The following VRK2 variants were observed in gnomAD, a reference collection of about 807,000 sequenced individuals.
VRK2 encodes the protein VRK serine/threonine kinase 2, also known as serine/threonine-protein kinase VRK2.
A neutral mutation model predicts 57.6 loss-of-function variants in VRK2; 60 were observed. The observed-to-expected ratio is 1.04, with a 90% CI of 0.85 to 1.29. VRK2 has a LOEUF of 1.29. Ranked by LOEUF, VRK2 falls within the 50% of genes most tolerant of loss-of-function variation. The pLI is 0.00. For synonymous variants in VRK2, 231 were observed against 199.2 expected, an observed-to-expected ratio of 1.16 and a Z score of -1.35; for missense variants, 705 against 588.1, an observed-to-expected ratio of 1.20 and a Z score of -2.06.
intron 1 of VRK2, among the ~76,000 whole-genome samples, chr2:58,003,613 T>A (rs1222787971): frequency 6.6e-6 from 1 of 152,150 alleles, no homozygotes; most frequent in Non-Finnish European, 1.5e-5. Context: ...GACTATAAAA[T>A]TAGTTTATCT....
At chr2:57,944,000 C>T (rs187660678) in intron 1 of VRK2, among the ~76,000 whole-genome samples, 6 of 152,306 alleles carry the variant, frequency 3.9e-5, no homozygotes, top group Admixed American at 3.3e-4. Flanking sequence ...TTTACAATGA[C>T]AGGCACTGGG....
At chr2:58,080,034 A>C (rs975824348) in intron 2 of VRK2, among the ~76,000 whole-genome samples, 4 of 152,018 alleles carry the variant, frequency 2.6e-5, no homozygotes, top group Non-Finnish European at 4.4e-5. Context: ...CCAAATATTT[A>C]ATACATGCCT....
At chr2:57,959,939 G>A (rs1158747682) in intron 1 of VRK2, among the ~76,000 whole-genome samples, 2 of 151,972 alleles carry the variant, frequency 1.3e-5, no homozygotes, top group African/African-American at 4.8e-5. Context: ...ACTTCAGCAG[G>A]AGCAAGGCTG....
intron 7 of VRK2, among the ~76,000 whole-genome samples, chr2:58,090,117 C>T (rs760180655): frequency 2.0e-5 from 3 of 148,892 alleles, no homozygotes; most frequent in East Asian, 2.0e-4. Context: ...GCAGAGAGGC[C>T]GGGCGCGGTG....
intron 2 of VRK2, among the ~76,000 whole-genome samples, chr2:58,077,166 C>CT (rs1242383576): frequency 1.3e-5 from 2 of 151,720 alleles, no homozygotes; most frequent in Non-Finnish European, 2.9e-5. Flanking sequence ...GCTTAGCGCT[C>CT]TTTTTTTTCT....
intron 1 of VRK2, among the ~76,000 whole-genome samples, chr2:57,975,143 T>A (rs1220096789): frequency 6.6e-6 from 1 of 151,976 alleles, no homozygotes; most frequent in Non-Finnish European, 1.5e-5. Flanking sequence ...AAAGTAAAAT[T>A]TGTGAAAACG....
At chr2:58,053,087 C>T (rs1163492345) in intron 2 of VRK2, among the ~76,000 whole-genome samples, 1 of 152,174 alleles carries the variant, frequency 6.6e-6, no homozygotes, top group Admixed American at 6.5e-5. Context: ...GATTGGAGTA[C>T]TTAACCCACA....
intron 1 of VRK2, among the ~76,000 whole-genome samples, chr2:58,003,490 G>C (rs1230148333): frequency 1.3e-5 from 2 of 152,022 alleles, no homozygotes; most frequent in East Asian, 1.9e-4. Flanking sequence ...CTAATATAGA[G>C]TTTCCAGGGT....
At chr2:58,012,393 G>A (rs934525150) in intron 1 of VRK2, among the ~76,000 whole-genome samples, 7 of 152,138 alleles carry the variant, frequency 4.6e-5, no homozygotes, top group Non-Finnish European at 1.0e-4. Flanking sequence ...CCCCTTTCCT[G>A]TAACATGAGC....
At chr2:58,111,068 A>G (rs1276250400) in intron 7 of VRK2, among the ~76,000 whole-genome samples, 1 of 152,136 alleles carries the variant, frequency 6.6e-6, no homozygotes, top group Non-Finnish European at 1.5e-5. Context: ...GCAACACTAC[A>G]TTTTCAATCA....
intron 1 of VRK2, among the ~76,000 whole-genome samples, chr2:57,979,351 C>T (rs1241817441): frequency 3.3e-5 from 5 of 151,076 alleles, no homozygotes; most frequent in African/African-American, 1.2e-4. Flanking sequence ...TTTTACTAAT[C>T]GCTGTTCTGA....
At chr2:58,023,367 A>C (rs949142735) in intron 1 of VRK2, among the ~76,000 whole-genome samples, 3 of 152,176 alleles carry the variant, frequency 2.0e-5, no homozygotes, top group Admixed American at 2.0e-4. Flanking sequence ...GTATGTGTGC[A>C]TATAACAAAA....
chr2:58,121,301 CTATTA>C (rs1197753445), intron 7 of VRK2, among the ~76,000 whole-genome samples: 10 of 152,092 alleles, frequency 6.6e-5, no homozygotes, highest in Non-Finnish European at 1.0e-4. Context: ...AAATAGTAAA[CTATTA>C]TATTAAAATA....
chr2:58,104,583 A>G (rs1674473953), intron 7 of VRK2, among the ~76,000 whole-genome samples: 1 of 151,926 alleles, frequency 6.6e-6, no homozygotes, highest in South Asian at 2.1e-4. Flanking sequence ...ACAAATGGAA[A>G]AACATTCCAT....
intron 2 of VRK2, among the ~76,000 whole-genome samples, chr2:58,028,903 A>ATT (rs1553378205): frequency 1.9e-5 from 1 of 54,018 alleles, no homozygotes; most frequent in Non-Finnish European, 3.5e-5. Context: ...TAAATAAATA[A>ATT]ATATATATAT....
chr2:57,922,039 A>C (rs1476702803), intron 1 of VRK2, among the ~76,000 whole-genome samples: 1 of 152,008 alleles, frequency 6.6e-6, no homozygotes, highest in African/African-American at 2.4e-5. Flanking sequence ...CTTGTTTTCA[A>C]TACCTCATCT....
At chr2:58,092,670 T>C (rs1043639818) in intron 7 of VRK2, among the ~76,000 whole-genome samples, 2 of 152,090 alleles carry the variant, frequency 1.3e-5, no homozygotes, top group African/African-American at 4.8e-5. Context: ...CTGGTTTCAT[T>C]TTTTTTTCCA....
chr2:58,040,671 A>T (rs950491249), intron 3 of VRK2, among the ~76,000 whole-genome samples: 1 of 152,202 alleles, frequency 6.6e-6, no homozygotes, highest in Non-Finnish European at 1.5e-5. Flanking sequence ...AATGTCAGAG[A>T]TAGAGCTGTG....
At chr2:58,081,882 G>GTGTA (rs1292853306) in intron 2 of VRK2, among the ~76,000 whole-genome samples, 1 of 151,360 alleles carries the variant, frequency 6.6e-6, no homozygotes, top group Non-Finnish European at 1.5e-5. Flanking sequence ...GTGTGTGTGT[G>GTGTA]TGTGTGTGTG....
Sources: allele counts gnomAD v4.1 joint callset (sites outside exome capture counted in the v4.1 genomes callset), GRCh38; gene constraint gnomAD v4.1.1; transcripts MANE v1.5; gene names NCBI Gene and HGNC (gene_info 2026-07-23, HGNC 2026-07-21).